The following TEX101 variants were observed in gnomAD, a reference collection of about 807,000 sequenced individuals.
TEX101 encodes the protein testis expressed 101, also known as testis-expressed protein 101.
A neutral mutation model predicts 18.1 loss-of-function variants in TEX101; 10 were observed. The ratio of observed to expected loss-of-function variants is 0.55; its 90% CI spans 0.34 to 0.94. The LOEUF (loss-of-function observed/expected upper bound fraction) is 0.94, where lower values mean the gene tolerates loss of function less well. Ranked by LOEUF, TEX101 falls within the 40% of genes least tolerant of loss-of-function variation. The pLI, the probability that TEX101 is intolerant of heterozygous loss-of-function variation, is 0.02. For missense variants in TEX101, 259 were observed against 298.9 expected, an observed-to-expected ratio of 0.87 and a Z score of 0.98; for synonymous variants, 94 against 114.8, an observed-to-expected ratio of 0.82 and a Z score of 1.16.
chr19:43,411,510 A>T (rs1402556669), upstream of TEX101, among the ~76,000 whole-genome samples: 1 of 152,248 alleles, frequency 6.6e-6, no homozygotes, highest in African/African-American at 2.4e-5. Flanking sequence ...GTGGTGTCAC[A>T]AGTGCTTATA....
At chr19:43,408,191 CG>C (rs1970386939) in intron 3 of TEX101, among the ~76,000 whole-genome samples, 1 of 152,234 alleles carries the variant, frequency 6.6e-6, no homozygotes, top group South Asian at 2.1e-4. Context: ...CTGGGCTTTC[CG>C]AGGGCTGCAA....
At chr19:43,403,925 G>C (rs1970338978) in intron 2 of TEX101, among the ~76,000 whole-genome samples, 1 of 151,976 alleles carries the variant, frequency 6.6e-6, no homozygotes, top group Non-Finnish European at 1.5e-5. Flanking sequence ...TGTAGTCCCA[G>C]CTACTCGGGA....
the TEX101 span, among the ~76,000 whole-genome samples, chr19:43,396,404 A>G: frequency 1.3e-4 from 20 of 152,244 alleles, no homozygotes; most frequent in Non-Finnish European, 2.9e-4. Context: ...GTTTTTCTGT[A>G]GCCTCATCTT....
chr19:43,408,982 T>C (rs1283222330), intron 3 of TEX101, among the ~76,000 whole-genome samples: 2 of 152,200 alleles, frequency 1.3e-5, no homozygotes, highest in Non-Finnish European at 2.9e-5. Context: ...AACTCACAAG[T>C]TGAAGCGTAG....
At position 43,416,425 on chromosome 19, in the gene TEX101, G is replaced by A. The variant is rs1447155703; in HGVS notation, c.261G>A (p.Glu87=). ...AGGGCTGCATCCCGGAAGGGGAGGA[G>A]GCCATAACAATTGTCCAGCACTCTT... is the stretch of plus-strand genomic sequence containing the variant. The part of the protein sequence containing the change: ...ATKGCIPEGE[E]AITIVQHSSP... The change falls in exon 4 of 6, where the codon GAG becomes GAA. Residue 87 remains glutamate, a synonymous_variant. Transcript: ENST00000598265. The A allele has an allele frequency of 5.6e-6, 9 of 1,614,012 alleles. No homozygotes were observed. In the Admixed American group the frequency reaches 1.3e-4, roughly 24 times the overall value.
At chr19:43,412,236 T>C (rs531016861), upstream of TEX101, among the ~76,000 whole-genome samples, 3 of 152,152 alleles carry the variant, frequency 2.0e-5, no homozygotes, top group African/African-American at 7.2e-5. Flanking sequence ...CTTTTACTTA[T>C]GGCAAAAGGA....
chr19:43,397,467 A>C (rs904323290), upstream of TEX101, among the ~76,000 whole-genome samples: 2 of 151,964 alleles, frequency 1.3e-5, no homozygotes, highest in African/African-American at 4.8e-5. Flanking sequence ...TTTGTTTTCA[A>C]CTTTTTAATA....
At chr19:43,399,802 A>ATTTTTTTTTTTTTTTTTTTTTTTT (rs71169230), upstream of TEX101, among the ~76,000 whole-genome samples, 1 of 113,282 alleles carries the variant, frequency 8.8e-6, no homozygotes, top group African/African-American at 3.4e-5. Context: ...CCTATGTCCT[A>ATTTTTTTTTTTTTTTTTTTTTTTT]TTTTTTTTTT....
In TEX101 at chr19:43,418,296, C is replaced by T. The variant is rs1184208806; in HGVS notation, c.649C>T (p.Pro217Ser). 1.9e-6 allele frequency: 3 copies of T among 1,614,200 alleles called. No individual in the cohort carries two copies. Among genetic ancestry groups the T allele is most frequent in the Non-Finnish European group, 2.5e-6 (3 of 1,180,026 alleles). ...EACPHQLLTQ[P>S]RKTENGATCL... ...GTGCCCACATCAGCTGCTCACTCAA[C>T]CTCGAAAGACTGAAAATGGGGCCAC... The change falls in exon 6 of 6, where the codon CCT becomes TCT. Residue 217 changes from proline (P) to serine (S), a missense_variant. Pro to Ser is a moderately conservative substitution (Grantham distance 74, BLOSUM62 -1). Coordinates refer to ENST00000598265, the MANE Select transcript of TEX101 (RefSeq NM_001130011.3).
Position 43,415,993 on chromosome 19 carries a change from G to A in TEX101, c.64+10G>A, listed in dbSNP as rs1188235632. The A allele has an allele frequency of 3.1e-6, 5 of 1,613,474 alleles. No homozygotes were observed. Among genetic ancestry groups the A allele is most frequent in the African/African-American group, 2.7e-5 (2 of 74,894 alleles). On this transcript the variant is annotated intron_variant, in intron 2 of 5. Coordinates refer to ENST00000598265, the MANE Select transcript of TEX101 (RefSeq NM_001130011.3). ...GCCTCCCTCCTGACCTGTGCGTATG[G>A]GGGACATAGGGGAGAGCCGTGTGTC...
chr19:43,389,491 T>C, the TEX101 span, among the ~76,000 whole-genome samples: 4 of 152,216 alleles, frequency 2.6e-5, no homozygotes, highest in African/African-American at 9.6e-5. Context: ...CCTCCTGCAG[T>C]AGCCAGAAGA....
Position 43,416,248 on chromosome 19 carries a change from A to G in TEX101, c.208+6A>G. The G allele has an allele frequency of 6.2e-7, 1 of 1,603,574 alleles. No individual in the cohort carries two copies. The highest frequency in any genetic ancestry group is 8.5e-7 in the Non-Finnish European group (1 of 1,175,274). ...CATACTAATAATTAAAGCAGGTGAA[A>G]TGAGATGGGGCATTTGGGCTGGGTA... On this transcript the variant is annotated splice_donor_region_variant and intron_variant, in intron 3 of 5. Transcript: ENST00000598265.
chr19:43,413,368 G>A (rs1970436122), upstream of TEX101, among the ~76,000 whole-genome samples: 1 of 152,010 alleles, frequency 6.6e-6, no homozygotes, highest in Non-Finnish European at 1.5e-5. Context: ...CGGGTGTGGT[G>A]GTGGGTGACT....
the TEX101 span, among the ~76,000 whole-genome samples, chr19:43,392,433 C>T: frequency 9.4e-4 from 143 of 152,124 alleles, no homozygotes; most frequent in Middle Eastern, 3.4e-3. Context: ...GGGTCACTTG[C>T]GCAACCCCGG....
upstream of TEX101, among the ~76,000 whole-genome samples, chr19:43,412,949 GGAAA>G (rs1970431579): frequency 6.6e-6 from 1 of 152,012 alleles, no homozygotes; most frequent in Non-Finnish European, 1.5e-5. Context: ...GCAAAAAGTT[GGAAA>G]GAAACAGAAG....
chr19:43,414,910 GAGA>G lies in TEX101; in HGVS notation c.-165_-163del, dbSNP rs949632985. 2.4e-5 allele frequency: 24 copies of G among 985,396 alleles called. No individual in the cohort carries two copies. In the African/African-American group the frequency reaches 4.0e-4, roughly 16 times the overall value. The allele number at this position is 985,396 out of a possible 1,614,324, so 61.0% of individuals were successfully genotyped here. On this transcript the variant is annotated 5_prime_UTR_variant, in exon 1 of 6. Coordinates refer to ENST00000598265, the MANE Select transcript of TEX101 (RefSeq NM_001130011.3). ...GTCGTAAGAGAATGCCAAGCCCGGG[GAGA>G]AGGCGTTCCGGGCCTCAACTTTGGC...
upstream of TEX101, among the ~76,000 whole-genome samples, chr19:43,399,731 C>T (rs1301184560): frequency 6.6e-6 from 1 of 151,266 alleles, no homozygotes; most frequent in Admixed American, 6.6e-5. Flanking sequence ...ATTGCATCCA[C>T]ACTTTCTTTT....
At position 43,406,468 on chromosome 19, in the gene TEX101, A is replaced by C. The variant is rs372792589; in HGVS notation, c.-37A>C. 17 of 769,268 alleles carry C rather than the reference A, an allele frequency of 2.2e-5. No individual in the cohort carries two copies. The African/African-American group carries it at 2.2e-4, about 10-fold the overall frequency. 47.7% of individuals were successfully genotyped at this position (769,268 alleles called of 1,614,324 possible). Reference sequence around the variant, plus strand: ...GGCGGTGAAGAGACAGGAGAGGGGGATCGGTGGGCGGTCCCGCCTCCATCT... The same window carrying C: ...GGCGGTGAAGAGACAGGAGAGGGGGCTCGGTGGGCGGTCCCGCCTCCATCT... On this transcript the variant is annotated 5_prime_UTR_variant, in exon 3 of 8. Transcript: ENST00000602198.
At chr19:43,397,850 A>G (rs1970282312), upstream of TEX101, among the ~76,000 whole-genome samples, 1 of 107,558 alleles carries the variant, frequency 9.3e-6, no homozygotes, top group South Asian at 2.5e-4. Flanking sequence ...ATAAATATAT[A>G]ATATATATAA....
Sources: gnomAD v4.1 joint callset for allele counts (sites outside exome capture counted in the v4.1 genomes callset) on GRCh38, gnomAD v4.1.1 for gene constraint, MANE v1.5 for transcripts, NCBI Gene and HGNC (gene_info 2026-07-23, HGNC 2026-07-21) for gene names.